Variants in GLOD4 observed in about 807,000 individuals in gnomAD.
GLOD4 encodes the protein glyoxalase domain-containing protein 4.
In GLOD4, 44 loss-of-function variants were observed where a neutral mutation model predicts 39.1. That is an observed-to-expected ratio of 1.13 (90% CI 0.88 to 1.45). GLOD4 has a LOEUF of 1.45. Ranked by LOEUF, GLOD4 falls within the 40% of genes most tolerant of loss-of-function variation. GLOD4 has a pLI of 0.00. For synonymous variants in GLOD4, 145 were observed against 135.0 expected, an observed-to-expected ratio of 1.07 and a Z score of -0.52; for missense variants, 405 against 366.4, an observed-to-expected ratio of 1.11 and a Z score of -0.86.
intron 3 of GLOD4, 143 bp downstream of exon 3, chr17:776,725 C>T: frequency 1.5e-6 from 1 of 663,718 alleles, no homozygotes; most frequent in Non-Finnish European, 2.7e-6. Context: ...CCCCAGATAT[C>T]CACGTGGCTA....
At chr17:783,041 T>C, upstream of GLOD4, 1 of 1,555,982 alleles carries the variant, frequency 6.4e-7, no homozygotes, top group South Asian at 1.2e-5. Context: ...GTAACAAGGA[T>C]GTTGATAGTT....
upstream of GLOD4, chr17:782,307 G>A (rs780871814): frequency 1.1e-5 from 17 of 1,611,178 alleles, no homozygotes; most frequent in African/African-American, 1.3e-5. Flanking sequence ...AGTCCACGAA[G>A]GGCGCCACGG....
intron 8 of GLOD4, among the ~76,000 whole-genome samples, chr17:766,217 G>C (rs1906519521): frequency 6.6e-6 from 1 of 151,902 alleles, no homozygotes; most frequent in South Asian, 2.1e-4. Flanking sequence ...AGGATCACTG[G>C]AACATAGGAG....
chr17:775,894 G>A lies in GLOD4; in HGVS notation c.287C>T (p.Ala96Val). ...CTCCAGCTTCCTGGCGTTGCTGACA[G>A]CCTGGCTAGAAGCGAGCGTGATTCC... is the stretch of plus-strand genomic sequence containing the variant. Reference protein sequence around the residue: ...FMGITLASSQAVSNARKLEWP... With the variant: ...FMGITLASSQVVSNARKLEWP... The change falls in exon 4 of 9, where the codon GCT becomes GTT. Residue 96 changes from alanine (A) to valine (V), a missense_variant. By Grantham distance (64) the Ala-to-Val change is moderately conservative. Transcript: ENST00000301329. 1 of 1,613,422 alleles carries A rather than the reference G, an allele frequency of 6.2e-7. No homozygotes were observed. The highest frequency in any genetic ancestry group is 8.5e-7 in the Non-Finnish European group (1 of 1,179,312).
chr17:764,755 TC>T, intron 8 of GLOD4: 1 of 151,664 alleles, frequency 6.6e-6, no homozygotes, highest in African/African-American at 2.4e-5. Context: ...ACACCTGTAA[TC>T]CCAGCCCTTT....
chr17:764,851 C>T (rs1906211509), intron 8 of GLOD4: 1 of 149,922 alleles, frequency 6.7e-6, no homozygotes, highest in African/African-American at 2.4e-5. Flanking sequence ...ACTAAAAATA[C>T]AAAAAATTAG....
intron 8 of GLOD4, among the ~76,000 whole-genome samples, chr17:767,894 A>G (rs1383035612): frequency 6.9e-6 from 1 of 144,674 alleles, no homozygotes; most frequent in African/African-American, 2.6e-5. Flanking sequence ...GACGTAAGAG[A>G]GAGAAACAGC....
rs371895037 is a variant in GLOD4 at position 765,651 on chromosome 17, A to G, written c.831+4218T>C. Among the ~76,000 whole-genome samples, 23 of 149,332 alleles carry G rather than the reference A, an allele frequency of 1.5e-4. No individual in the cohort carries two copies. The East Asian group carries it at 2.2e-3, about 14-fold the overall frequency. On this transcript the variant is annotated intron_variant, in intron 8 of 8. Coordinates refer to ENST00000301329, the MANE Select transcript of GLOD4 (RefSeq NM_016080.4). ...TCAAGAGACAGGGTTTCACCGTGTTAGCCAGGATGGTCTCGATCTCCTGAC... is the reference window on the plus strand; with the variant it reads ...TCAAGAGACAGGGTTTCACCGTGTTGGCCAGGATGGTCTCGATCTCCTGAC...
At chr17:784,733 C>G (rs1285475743), upstream of GLOD4, among the ~76,000 whole-genome samples, 2 of 152,138 alleles carry the variant, frequency 1.3e-5, no homozygotes, top group East Asian at 3.8e-4. Context: ...CAGACACTCC[C>G]CAGAATCCAG....
upstream of GLOD4, chr17:782,657 C>T (rs1910192134): frequency 5.6e-6 from 9 of 1,612,182 alleles, no homozygotes; most frequent in Non-Finnish European, 6.8e-6. Context: ...CTGGGCTTCG[C>T]TACGATAAAG....
At chr17:778,560 G>A (rs779634971) in intron 2 of GLOD4, 135 bp downstream of exon 2, 1 of 714,022 alleles carries the variant, frequency 1.4e-6, no homozygotes, top group Non-Finnish European at 2.6e-6. Flanking sequence ...TGTTCCCGAC[G>A]CTCCTGAAGT....
intron 2 of GLOD4, among the ~76,000 whole-genome samples, chr17:777,868 C>T (rs918326011): frequency 1.3e-5 from 2 of 152,160 alleles, no homozygotes; most frequent in Non-Finnish European, 1.5e-5. Context: ...GGGGCCTCTA[C>T]ATAGACTCAG....
upstream of GLOD4, chr17:782,496 G>A: frequency 1.9e-6 from 3 of 1,613,624 alleles, no homozygotes; most frequent in Non-Finnish European, 2.5e-6. Flanking sequence ...CCCAGTGAAA[G>A]TGGTGTTTCC....
At chr17:783,172 T>C (rs752667856), upstream of GLOD4, 5 of 1,614,116 alleles carry the variant, frequency 3.1e-6, no homozygotes, top group Non-Finnish European at 4.2e-6. Flanking sequence ...TCAGACGCTC[T>C]CAAGGCTGGA....
Position 769,890 on chromosome 17 carries a change from C to G in GLOD4, c.810G>C (p.Glu270Asp), listed in dbSNP as rs757518800. ...AFRELSKMDP[E>D]GSKLLDDAMA... The stretch of plus-strand genomic sequence containing the variant: ...TCACATCATCCAACAATTTGCTTCC[C>G]TCTGGATCCATCTTAGAAAGTTCTC... The change falls in exon 8 of 9, where the codon GAG becomes GAC. Residue 270 changes from glutamate to aspartate, a missense_variant. Coordinates refer to ENST00000301329, the MANE Select transcript of GLOD4 (RefSeq NM_016080.4). 24 of 1,603,306 alleles carry G rather than the reference C, an allele frequency of 1.5e-5. No homozygotes were observed. Among genetic ancestry groups the G allele is most frequent in the Non-Finnish European group, 1.9e-5 (22 of 1,170,162 alleles).
In GLOD4 at chr17:776,924, C is replaced by T. The variant is rs756805516; in HGVS notation, c.205G>A (p.Ala69Thr). Reference protein sequence around the residue: ...GFGPEDDHFVAELTYNYGVGD... With the variant: ...GFGPEDDHFVTELTYNYGVGD... ...ACGCCATAATTGTAAGTCAGTTCTG[C>T]GACAAAATGATCATCCTCAGGCCCA... Residue 69 changes from alanine to threonine, a missense_variant, in exon 3 of 9, where the codon GCA becomes ACA. Coordinates refer to ENST00000301329, the MANE Select transcript of GLOD4 (RefSeq NM_016080.4). 42 of 1,609,988 alleles carry T rather than the reference C, an allele frequency of 2.6e-5. No individual in the cohort carries two copies. Among genetic ancestry groups the T allele is most frequent in the East Asian group, 2.0e-4 (9 of 44,886 alleles).
chr17:769,802 C>T, intron 8 of GLOD4, 67 bp downstream of exon 8: 1 of 961,586 alleles, frequency 1.0e-6, no homozygotes, highest in Non-Finnish European at 1.7e-6. Flanking sequence ...GCTTAGTCTC[C>T]TCCCACACAC....
At chr17:781,783 G>T (rs191881596) in intron 1 of GLOD4, 284 of 203,120 alleles carry the variant, frequency 1.4e-3, no homozygotes, top group African/African-American at 6.2e-3. Flanking sequence ...CTCTGAATAC[G>T]CTGATTTTAT....
Position 774,409 on chromosome 17 carries a change from T to C in GLOD4, c.406+1366A>G, listed in dbSNP as rs539811018. On this transcript the variant is annotated intron_variant, in intron 4 of 8. Transcript: ENST00000301329. ...GGAGTCGGCACAAGTGCCCTTGCCA[T>C]TCGCCAGCATTTTCCCCGTTTTTGC... Among the ~76,000 whole-genome samples the C allele has an allele frequency of 4.0e-4, 61 of 152,360 alleles. No homozygotes were observed. In the Middle Eastern group the frequency reaches 0.01, roughly 25 times the overall value.
Sources: allele counts gnomAD v4.1 joint callset (sites outside exome capture counted in the v4.1 genomes callset), GRCh38; gene constraint gnomAD v4.1.1; transcripts MANE v1.5; gene names NCBI Gene and HGNC (gene_info 2026-07-23, HGNC 2026-07-21).